MALT1: variants seen among roughly 807,000 people sequenced by gnomAD.
The protein encoded by MALT1 is MALT1 paracaspase.
In MALT1, 36 loss-of-function variants were observed where a neutral mutation model predicts 85.5. The observed-to-expected ratio is 0.42, with a 90% confidence interval of 0.32 to 0.56. MALT1 has a LOEUF of 0.56. MALT1 is among the 20% of genes least tolerant of loss of function. The probability of loss-of-function intolerance (pLI) is 0.10; values close to 1 mark genes in which losing one functional copy is unlikely to be tolerated. For missense variants in MALT1, 716 were observed against 981.6 expected, an observed-to-expected ratio of 0.73 and a Z score of 3.62; for synonymous variants, 359 against 361.3, an observed-to-expected ratio of 0.99 and a Z score of 0.07.
At chr18:58,723,025 C>A (rs746829332) in intron 9 of MALT1, 23 bp from the exon 10 acceptor site, 5 of 1,568,526 alleles carry the variant, frequency 3.2e-6, no homozygotes, top group Non-Finnish European at 3.5e-6. Context: ...TCTTTAAACA[C>A]CCCCTTTCTT....
intron 10 of MALT1, among the ~76,000 whole-genome samples, chr18:58,729,685 A>G (rs1401484685): frequency 6.6e-6 from 1 of 152,178 alleles, no homozygotes; most frequent in Admixed American, 6.5e-5. Context: ...TGTATATGAA[A>G]GTCCTTTGAA....
chr18:58,729,413 C>T (rs913020644), intron 10 of MALT1, among the ~76,000 whole-genome samples: 28 of 150,566 alleles, frequency 1.9e-4, no homozygotes, highest in East Asian at 3.9e-4. Flanking sequence ...CACTTGAACC[C>T]GGGAGGCGGA....
chr18:58,681,819 A>G (rs1004496076), intron 2 of MALT1, among the ~76,000 whole-genome samples: 1 of 152,160 alleles, frequency 6.6e-6, no homozygotes, highest in African/African-American at 2.4e-5. Context: ...GATTAACTCA[A>G]CCTTGTACTC....
Position 58,747,573 on chromosome 18 carries a change from C to T in MALT1, c.2206C>T (p.Pro736Ser). The T allele has an allele frequency of 1.9e-6, 3 of 1,614,152 alleles. No homozygotes were observed. The change falls in exon 17 of 17, where the codon CCT (proline) becomes TCT (serine). Residue 736 changes from proline (P) to serine (S), a missense_variant. Physicochemically the swap from Pro to Ser is moderately conservative, Grantham distance 74 (BLOSUM62 -1). Around this residue, in one of 4 missense-constraint regions of MALT1, gnomAD observed 260 missense variants for 323.7 expected, o/e 0.80. Coordinates refer to ENST00000649217, the MANE Select transcript of MALT1 (RefSeq NM_006785.4). ...CFQTCLMSNG[P>S]YQSSAATSGG... ...TCAAACTTGTCTTATGTCTAATGGT[C>T]CTTACCAGAGTTCTGCAGCCACCTC...
chr18:58,681,542 T>C (rs2054322333), intron 2 of MALT1, among the ~76,000 whole-genome samples: 1 of 152,202 alleles, frequency 6.6e-6, no homozygotes, highest in Admixed American at 6.5e-5. Flanking sequence ...TGAGACATTT[T>C]TGAGATAGTT....
At chr18:58,719,881 T>C (rs1301699383) in intron 9 of MALT1, among the ~76,000 whole-genome samples, 4 of 151,942 alleles carry the variant, frequency 2.6e-5, no homozygotes, top group African/African-American at 9.7e-5. Context: ...TTAATACATG[T>C]GATTTTTAAA....
intron 4 of MALT1, among the ~76,000 whole-genome samples, chr18:58,706,450 C>G (rs1205873345): frequency 6.6e-6 from 1 of 152,216 alleles, no homozygotes; most frequent in Non-Finnish European, 1.5e-5. Flanking sequence ...CCACCGCGCC[C>G]AGCCCACGTG....
chr18:58,683,964 C>T (rs2054359904), intron 2 of MALT1, among the ~76,000 whole-genome samples: 1 of 152,154 alleles, frequency 6.6e-6, no homozygotes, highest in East Asian at 1.9e-4. Flanking sequence ...AAGGGTCTTG[C>T]TCTGTCTCCC....
chr18:58,749,051 G>T lies in MALT1; in HGVS notation c.*1209G>T, dbSNP rs2055412014. ...ACTGAATCCAGCAACCTATAAAAAG[G>T]ATTCTATATCATGACCAAGTGGAAT... On this transcript the variant is annotated 3_prime_UTR_variant, in exon 17 of 17. Coordinates refer to ENST00000649217, the MANE Select transcript of MALT1 (RefSeq NM_006785.4). 1 of 213,312 alleles carries T rather than the reference G, an allele frequency of 4.7e-6. No homozygotes were observed. Among genetic ancestry groups the T allele is most frequent in the Non-Finnish European group, 9.5e-6 (1 of 105,566 alleles). The allele number at this position is 213,312 out of a possible 1,614,324, so 13.2% of individuals were successfully genotyped here. A position where few individuals can be genotyped will look rare whatever the true frequency, so the allele number is the denominator to read the frequency against.
intron 4 of MALT1, among the ~76,000 whole-genome samples, chr18:58,705,923 T>G (rs1412686933): frequency 6.6e-6 from 1 of 152,072 alleles, no homozygotes; most frequent in Non-Finnish European, 1.5e-5. Flanking sequence ...ATGGTTGAAC[T>G]AGTTTACAGT....
chr18:58,683,045 T>C (rs1317105144), intron 2 of MALT1, among the ~76,000 whole-genome samples: 1 of 152,220 alleles, frequency 6.6e-6, no homozygotes, highest in Non-Finnish European at 1.5e-5. Context: ...ACCTGGCCCA[T>C]TACTGATAGA....
In MALT1 at chr18:58,709,944, G is replaced by T. The variant is rs770682207; in HGVS notation, c.829-32G>T. On this transcript the variant is annotated intron_variant, in intron 5 of 16. Coordinates refer to ENST00000649217, the MANE Select transcript of MALT1 (RefSeq NM_006785.4). The stretch of plus-strand genomic sequence containing the variant: ...TTCTCCAAGCCATTAAAATAGAAGA[G>T]GAAGCATTTACATGTTCTAATATTG... 19 of 1,318,920 alleles carry T rather than the reference G, an allele frequency of 1.4e-5. No individual in the cohort carries two copies. The South Asian group carries it at 2.3e-4, about 16-fold the overall frequency. The allele number at this position is 1,318,920 out of a possible 1,614,324, so 81.7% of individuals were successfully genotyped here. A position where few individuals can be genotyped will look rare whatever the true frequency, so the allele number is the denominator to read the frequency against.
chr18:58,702,713 G>A, intron 4 of MALT1, among the ~76,000 whole-genome samples: 1 of 152,112 alleles, frequency 6.6e-6, no homozygotes, highest in African/African-American at 2.4e-5. Flanking sequence ...AAATGATCTT[G>A]TGGAAAAAAA....
intron 9 of MALT1, among the ~76,000 whole-genome samples, chr18:58,717,746 CAA>C (rs35207196): frequency 9.5e-4 from 96 of 100,548 alleles, no homozygotes; most frequent in South Asian, 3.6e-3. Flanking sequence ...ACTCTTGTCT[CAA>C]AAAAAAAAAA....
Position 58,752,259 on chromosome 18 carries a change from C to G in MALT1, c.*4417C>G, listed in dbSNP as rs1168083354. ...AGTGATCCTCCTGCCTCAGCAGCAT[C>G]AGTTTAATATCTAGATAAAATCTGA... On this transcript the variant is annotated 3_prime_UTR_variant, in exon 17 of 17. Transcript: ENST00000649217. 6.6e-6 allele frequency: 1 copy of G among 152,148 alleles called. No individual in the cohort carries two copies. The highest frequency in any genetic ancestry group is 2.4e-5 in the African/African-American group (1 of 41,418). 9.4% of individuals were successfully genotyped at this position (152,148 alleles called of 1,614,324 possible).
In MALT1 at chr18:58,680,081, T is replaced by C. The variant is rs115935045; in HGVS notation, c.210-1089T>C. Among the ~76,000 whole-genome samples, 422 of 152,234 alleles carry C rather than the reference T, an allele frequency of 2.8e-3. 3 individuals are homozygous for C. Among genetic ancestry groups the C allele is most frequent in the African/African-American group, 9.8e-3 (407 of 41,536 alleles). ...AAAATCAACAGTACAAAAGGGGTTA[T>C]AGTGAAAAGTAGATCATCCAGCCAT... On this transcript the variant is annotated intron_variant, in intron 1 of 16. Transcript: ENST00000649217.
intron 9 of MALT1, among the ~76,000 whole-genome samples, chr18:58,722,628 C>T (rs1300075969): frequency 4.6e-5 from 7 of 152,174 alleles, no homozygotes; most frequent in Non-Finnish European, 1.0e-4. Flanking sequence ...TTGTTTTTAG[C>T]CTCTTCCATT....
intron 4 of MALT1, among the ~76,000 whole-genome samples, chr18:58,701,522 T>C (rs773160823): frequency 7.9e-5 from 12 of 152,172 alleles, no homozygotes; most frequent in Non-Finnish European, 1.5e-4. Flanking sequence ...GATAAGGAGT[T>C]CCCTTTTCTC....
chr18:58,720,743 C>T (rs1486663852), intron 9 of MALT1, among the ~76,000 whole-genome samples: 1 of 152,058 alleles, frequency 6.6e-6, no homozygotes, highest in Non-Finnish European at 1.5e-5. Context: ...TTATTATATA[C>T]TTATAATTGT....
Sources: allele counts gnomAD v4.1 joint callset (sites outside exome capture counted in the v4.1 genomes callset), GRCh38; gene constraint gnomAD v4.1.1; regional missense constraint gnomAD v4.1.1; transcripts MANE v1.5; gene names NCBI Gene and HGNC (gene_info 2026-07-23, HGNC 2026-07-21).